PLPPR1: variants seen among roughly 807,000 people sequenced by gnomAD.
PLPPR1 encodes phospholipid phosphatase-related protein type 1.
A neutral mutation model predicts 33.1 loss-of-function variants in PLPPR1; 10 were observed. The ratio of observed to expected loss-of-function variants is 0.30; its 90% CI spans 0.19 to 0.51. PLPPR1 has a LOEUF of 0.51. PLPPR1 is among the 20% of genes least tolerant of loss of function. PLPPR1 has a pLI of 0.97. For missense variants in PLPPR1, 304 were observed against 408.1 expected, an observed-to-expected ratio of 0.74 and a Z score of 2.20; for synonymous variants, 151 against 151.0, an observed-to-expected ratio of 1.00 and a Z score of 0.00.
intron 1 of PLPPR1, among the ~76,000 whole-genome samples, chr9:101,108,250 A>G (rs942632795): frequency 2.0e-5 from 3 of 152,220 alleles, no homozygotes; most frequent in Non-Finnish European, 4.4e-5. Flanking sequence ...CATGTTTGTT[A>G]AAAGAGACTT....
chr9:101,057,595 G>A (rs1830293276), intron 1 of PLPPR1, among the ~76,000 whole-genome samples: 3 of 152,100 alleles, frequency 2.0e-5, no homozygotes, highest in Non-Finnish European at 4.4e-5. Context: ...TATGAGCCAG[G>A]AACTATGCTT....
intron 1 of PLPPR1, among the ~76,000 whole-genome samples, chr9:101,070,856 C>T (rs1830475056): frequency 6.6e-6 from 1 of 152,142 alleles, no homozygotes; most frequent in African/African-American, 2.4e-5. Flanking sequence ...TATCCTCCAG[C>T]ACTAACAACA....
At chr9:101,054,891 C>T (rs561785737) in intron 1 of PLPPR1, among the ~76,000 whole-genome samples, 2 of 152,124 alleles carry the variant, frequency 1.3e-5, no homozygotes, top group East Asian at 1.9e-4. Context: ...GAATCAGATA[C>T]GGAGAGCCCC....
At chr9:101,224,811 A>C (rs2915425) in intron 2 of PLPPR1, among the ~76,000 whole-genome samples, 152,155 of 152,256 alleles carry the variant, frequency 1, 76,027 homozygotes, top group Middle Eastern at 1. Flanking sequence ...GTGGTCCCAG[A>C]CTGAGAGAGT....
chr9:101,311,092 T>C (rs1294793260), intron 5 of PLPPR1, among the ~76,000 whole-genome samples: 2 of 152,158 alleles, frequency 1.3e-5, no homozygotes, highest in African/African-American at 2.4e-5. Context: ...TGCCTTTTCC[T>C]GTATTTTTTA....
rs531885170 is a variant in PLPPR1 at position 101,164,401 on chromosome 9, C to A, written c.-45-21049C>A. 3.4e-5 allele frequency among the ~76,000 whole-genome samples: 5 copies of A among 146,078 alleles called. No homozygotes were observed. The South Asian group carries it at 1.1e-3, about 31-fold the overall frequency. ...TTTCTGAGACAGTGTCTTGCTCTGTCGCTCAGGCTGGAGTGCAGAGGCACG... is the reference window on the plus strand; with the variant it reads ...TTTCTGAGACAGTGTCTTGCTCTGTAGCTCAGGCTGGAGTGCAGAGGCACG... On this transcript the variant is annotated intron_variant, in intron 1 of 7. Coordinates refer to ENST00000374874, the MANE Select transcript of PLPPR1 (RefSeq NM_207299.2).
At chr9:101,033,084 G>A (rs564021922) in intron 1 of PLPPR1, among the ~76,000 whole-genome samples, 1 of 152,292 alleles carries the variant, frequency 6.6e-6, no homozygotes, top group African/African-American at 2.4e-5. Context: ...CCTGGAATGA[G>A]GGCCAGATCA....
chr9:101,088,839 C>T (rs1282004373), intron 1 of PLPPR1, among the ~76,000 whole-genome samples: 1 of 152,086 alleles, frequency 6.6e-6, no homozygotes, highest in Non-Finnish European at 1.5e-5. Context: ...TATTCCATGT[C>T]TAAAAATCTC....
chr9:101,300,831 C>T (rs1050222134), intron 4 of PLPPR1, among the ~76,000 whole-genome samples: 1 of 152,124 alleles, frequency 6.6e-6, no homozygotes, highest in African/African-American at 2.4e-5. Flanking sequence ...TTACCATAGC[C>T]TCTGGCAAAC....
intron 2 of PLPPR1, among the ~76,000 whole-genome samples, chr9:101,238,239 C>A (rs1267267262): frequency 7.6e-6 from 1 of 131,326 alleles, no homozygotes; most frequent in Non-Finnish European, 1.6e-5. Flanking sequence ...TCTATATATA[C>A]CTATATAGAG....
chr9:101,214,118 A>T (rs1826739355), intron 2 of PLPPR1, among the ~76,000 whole-genome samples: 1 of 152,222 alleles, frequency 6.6e-6, no homozygotes, highest in Non-Finnish European at 1.5e-5. Context: ...GGTAATAAAA[A>T]AGGGAGCTTA....
At chr9:101,256,212 C>G (rs1246507039) in intron 2 of PLPPR1, among the ~76,000 whole-genome samples, 2 of 152,116 alleles carry the variant, frequency 1.3e-5, no homozygotes, top group African/African-American at 4.8e-5. Flanking sequence ...CTGCATATAG[C>G]TTATAAGCTT....
At chr9:101,192,206 G>T (rs1826307926) in intron 2 of PLPPR1, among the ~76,000 whole-genome samples, 1 of 152,078 alleles carries the variant, frequency 6.6e-6, no homozygotes, top group African/African-American at 2.4e-5. Flanking sequence ...TTACTTGCAG[G>T]TGCCCAAATT....
intron 1 of PLPPR1, among the ~76,000 whole-genome samples, chr9:101,165,700 A>G (rs1825844046): frequency 6.6e-6 from 1 of 152,192 alleles, no homozygotes; most frequent in African/African-American, 2.4e-5. Context: ...TGATTTAACA[A>G]TAGAGTAAGC....
chr9:101,147,389 C>T (rs1171292989), intron 1 of PLPPR1, among the ~76,000 whole-genome samples: 3 of 152,148 alleles, frequency 2.0e-5, no homozygotes, highest in East Asian at 1.9e-4. Context: ...TTTTGAATTA[C>T]TCTGGGAATC....
At chr9:101,101,446 C>A (rs1192259172) in intron 1 of PLPPR1, among the ~76,000 whole-genome samples, 2 of 151,640 alleles carry the variant, frequency 1.3e-5, no homozygotes, top group Admixed American at 1.3e-4. Context: ...GGTCCAGCTG[C>A]AGCTCCAGAA....
At chr9:101,086,391 C>T (rs1014529469) in intron 1 of PLPPR1, among the ~76,000 whole-genome samples, 1 of 152,198 alleles carries the variant, frequency 6.6e-6, no homozygotes, top group Non-Finnish European at 1.5e-5. Flanking sequence ...AATTTTCCAT[C>T]AGAGTTGTCC....
Position 101,065,777 on chromosome 9 carries a change from T to C in PLPPR1, c.-46+36675T>C, listed in dbSNP as rs182059857. On this transcript the variant is annotated intron_variant, in intron 1 of 7. Transcript: ENST00000374874. ...GAGACTTTATTTATAGTTAGAAATA[T>C]ACTGTTCCAAGTGTGACCTTAAGCA... Among the ~76,000 whole-genome samples the C allele has an allele frequency of 2.8e-3, 423 of 152,212 alleles. 3 individuals are homozygous for C. Among genetic ancestry groups the C allele is most frequent in the African/African-American group, 9.6e-3 (397 of 41,562 alleles).
chr9:101,070,106 C>A (rs115041856), intron 1 of PLPPR1, among the ~76,000 whole-genome samples: 2,177 of 152,180 alleles, frequency 0.014, 58 homozygotes, highest in African/African-American at 0.05. Context: ...TCCCTACCCC[C>A]TTCCGTACTT....
Sources: gnomAD v4.1 joint callset for allele counts (sites outside exome capture counted in the v4.1 genomes callset) on GRCh38, gnomAD v4.1.1 for gene constraint, MANE v1.5 for transcripts, NCBI Gene and HGNC (gene_info 2026-07-23, HGNC 2026-07-21) for gene names.